PARD3: variants seen among roughly 807,000 people sequenced by gnomAD.
PARD3 encodes the protein partitioning defective 3 homolog.
In PARD3, 75 loss-of-function variants were observed where a neutral mutation model predicts 155.4. The ratio of observed to expected loss-of-function variants is 0.48; its 90% CI spans 0.40 to 0.58. The LOEUF is 0.58. Ranked by LOEUF, PARD3 falls within the 20% of genes least tolerant of loss-of-function variation. The probability of loss-of-function intolerance (pLI) is 0.00; values close to 1 mark genes in which losing one functional copy is unlikely to be tolerated. For missense variants in PARD3, 1,642 were observed against 1,721.7 expected, an observed-to-expected ratio of 0.95 and a Z score of 0.82; for synonymous variants, 576 against 610.5, an observed-to-expected ratio of 0.94 and a Z score of 0.83.
chr10:34,656,283 A>G (rs2093164322), intron 2 of PARD3, among the ~76,000 whole-genome samples: 1 of 152,202 alleles, frequency 6.6e-6, no homozygotes, highest in Admixed American at 6.5e-5. Context: ...TCAGTTCCAC[A>G]TAAACTGACC....
intron 1 of PARD3, among the ~76,000 whole-genome samples, chr10:34,717,375 CA>C (rs1366636401): frequency 6.6e-6 from 1 of 152,170 alleles, no homozygotes; most frequent in African/African-American, 2.4e-5. Flanking sequence ...AGAAATAAAA[CA>C]GCCATTCCTA....
intron 22 of PARD3, among the ~76,000 whole-genome samples, chr10:34,196,622 G>GGAGTGCA (rs1950953460): frequency 7.3e-6 from 1 of 137,070 alleles, no homozygotes; most frequent in African/African-American, 2.8e-5. Flanking sequence ...CGCCCAGGCT[G>GGAGTGCA]GAGTGCAGTG....
intron 1 of PARD3, among the ~76,000 whole-genome samples, chr10:34,800,804 C>T (rs1045003097): frequency 2.6e-5 from 4 of 151,124 alleles, no homozygotes; most frequent in African/African-American, 9.9e-5. Context: ...AAATAATGCC[C>T]CTGATAAAAG....
At chr10:34,342,243 GAC>G (rs1404366180) in intron 15 of PARD3, among the ~76,000 whole-genome samples, 4 of 152,346 alleles carry the variant, frequency 2.6e-5, no homozygotes, top group East Asian at 3.9e-4. Context: ...GGTACTGCAA[GAC>G]ACAGTCTCTG....
chr10:34,667,838 G>C (rs2093524519), intron 2 of PARD3, among the ~76,000 whole-genome samples: 1 of 152,186 alleles, frequency 6.6e-6, no homozygotes, highest in South Asian at 2.1e-4. Flanking sequence ...CATTATTAAG[G>C]ATAACACATC....
intron 2 of PARD3, among the ~76,000 whole-genome samples, chr10:34,633,427 C>T (rs890186446): frequency 2.6e-5 from 4 of 151,948 alleles, no homozygotes; most frequent in Non-Finnish European, 5.9e-5. Flanking sequence ...TCTGCGTATC[C>T]GTGAAAACAG....
At chr10:34,419,521 A>AAAAAG (rs1455890335) in intron 5 of PARD3, among the ~76,000 whole-genome samples, 1 of 152,196 alleles carries the variant, frequency 6.6e-6, no homozygotes, top group Non-Finnish European at 1.5e-5. Context: ...CGTCTCAAAA[A>AAAAAG]AAAAGAAAAG....
chr10:34,782,716 G>C (rs1840390497), intron 1 of PARD3, among the ~76,000 whole-genome samples: 1 of 150,798 alleles, frequency 6.6e-6, no homozygotes, highest in Admixed American at 6.6e-5. Flanking sequence ...ACAAACATTA[G>C]GAAAGTTTTT....
intron 23 of PARD3, among the ~76,000 whole-genome samples, chr10:34,123,463 T>A (rs886462067): frequency 6.6e-6 from 1 of 152,048 alleles, no homozygotes; most frequent in Non-Finnish European, 1.5e-5. Context: ...TATTTTAGAG[T>A]CAGAATCTTG....
chr10:34,683,662 C>A (rs2133362411), intron 2 of PARD3, among the ~76,000 whole-genome samples: 1 of 151,824 alleles, frequency 6.6e-6, no homozygotes, highest in East Asian at 1.9e-4. Flanking sequence ...ACTGGGTGGC[C>A]CCAGATAAGC....
At chr10:34,152,184 T>A (rs76531063) in intron 22 of PARD3, among the ~76,000 whole-genome samples, 2,011 of 152,262 alleles carry the variant, frequency 0.013, 52 homozygotes, top group African/African-American at 0.046. Context: ...TTGGAAAAAT[T>A]TCCCTGTAGC....
chr10:34,639,323 G>C (rs2092590606), intron 2 of PARD3, among the ~76,000 whole-genome samples: 1 of 151,860 alleles, frequency 6.6e-6, no homozygotes, highest in African/African-American at 2.4e-5. Context: ...TTGAACACAG[G>C]AGGCAAAGGT....
intron 9 of PARD3, among the ~76,000 whole-genome samples, chr10:34,379,858 G>A (rs1841644867): frequency 6.6e-6 from 1 of 152,074 alleles, no homozygotes; most frequent in African/African-American, 2.4e-5. Context: ...ATGGAAGCAA[G>A]TACACTGAGG....
rs533071356 is a variant in PARD3, at chr10:34,387,160, G to A, written c.891-2906C>T. The stretch of plus-strand genomic sequence containing the variant: ...GTTTTTAATTGGTGAAATCATAAGC[G>A]ATTTCCCAATATGACTACAATATTA... On this transcript the variant is annotated intron_variant, in intron 7 of 24. Transcript: ENST00000374788. Among the ~76,000 whole-genome samples the A allele has an allele frequency of 3.9e-5, 6 of 152,206 alleles. No individual in the cohort carries two copies. The East Asian group carries it at 5.8e-4, about 15-fold the overall frequency.
chr10:34,213,637 G>A (rs182236050), intron 22 of PARD3, among the ~76,000 whole-genome samples: 127 of 152,246 alleles, frequency 8.3e-4, no homozygotes, highest in African/African-American at 2.7e-3. Context: ...TATGTGGGAG[G>A]TGTAAAGATA....
At chr10:34,194,546 A>G (rs1030239354) in intron 22 of PARD3, among the ~76,000 whole-genome samples, 1 of 152,186 alleles carries the variant, frequency 6.6e-6, no homozygotes, top group South Asian at 2.1e-4. Flanking sequence ...GTTTCTGGAA[A>G]TCAGTTGGAA....
rs1003563186 is a variant in PARD3, at chr10:34,370,779, A to T, written c.1707+1719T>A. On this transcript the variant is annotated intron_variant, in intron 12 of 24. Transcript: ENST00000374788. ...CTTCCTCCTTTTGCATTTATTCTAT[A>T]ACTATTTCATGGTACAGATACAAAT... Among the ~76,000 whole-genome samples, 47 of 151,434 alleles carry T rather than the reference A, an allele frequency of 3.1e-4. 1 individual carries two copies. The highest frequency in any genetic ancestry group is 1.1e-3 in the African/African-American group (45 of 41,114).
intron 1 of PARD3, among the ~76,000 whole-genome samples, chr10:34,810,497 A>C (rs1844001192): frequency 6.6e-6 from 1 of 152,144 alleles, no homozygotes; most frequent in East Asian, 1.9e-4. Flanking sequence ...AGGCCCCAAT[A>C]ATCAACCTGT....
At chr10:34,447,874 A>G (rs192318013) in intron 5 of PARD3, among the ~76,000 whole-genome samples, 1 of 152,296 alleles carries the variant, frequency 6.6e-6, no homozygotes. Flanking sequence ...AAACCCTGGT[A>G]TACTGCTGGT....
Sources: gnomAD v4.1 joint callset for allele counts (sites outside exome capture counted in the v4.1 genomes callset) on GRCh38, gnomAD v4.1.1 for gene constraint, MANE v1.5 for transcripts, NCBI Gene and HGNC (gene_info 2026-07-23, HGNC 2026-07-21) for gene names.